ANO7: variants seen among roughly 807,000 people sequenced by gnomAD.
ANO7 encodes anoctamin 7, also known as anoctamin-7.
A neutral mutation model predicts 115.8 loss-of-function variants in ANO7; 114 were observed. The ratio of observed to expected loss-of-function variants is 0.98; its 90% CI spans 0.85 to 1.15. The LOEUF is 1.15. ANO7 is among the 50% of genes most tolerant of loss of function. ANO7 has a pLI of 0.00. For synonymous variants in ANO7, 550 were observed against 498.2 expected (o/e 1.10, Z -1.38); for missense variants, 1,302 against 1,201.2 (o/e 1.08, Z -1.24).
intron 4 of ANO7, 78 bp from the exon 5 acceptor site, chr2:241,199,238 G>T: frequency 8.0e-7 from 1 of 1,250,414 alleles, no homozygotes. Context: ...CTTTTCCTAA[G>T]AGTGCGAATG....
the ANO7 span, among the ~76,000 whole-genome samples, chr2:241,233,055 GAGGGGCTCTGCTGCC>G: frequency 8.9e-4 from 136 of 152,254 alleles, no homozygotes; most frequent in Non-Finnish European, 1.2e-3. The surrounding 1 kb of genome is among the most constrained non-coding windows in gnomAD (Gnocchi z 4.3). Flanking sequence ...GAGGGGCGTG[GAGGGGCTCTGCTGCC>G]AGGGGGTTTG....
At chr2:241,212,261 G>A in intron 16 of ANO7, 56 bp downstream of exon 16, 1 of 1,483,078 alleles carries the variant, frequency 6.7e-7, no homozygotes, top group Admixed American at 1.7e-5. Flanking sequence ...TTCTGCTCAT[G>A]TTTCCCGCTG....
At chr2:241,230,792 G>C, downstream of ANO7, 1 of 1,614,220 alleles carries the variant, frequency 6.2e-7, no homozygotes, top group Non-Finnish European at 8.5e-7. This position sits in a 1 kb window ranked among gnomAD's most constrained non-coding sequence, Gnocchi z 5.0. Context: ...GAATGGCTTT[G>C]CCGCGGGCAC....
Position 241,200,038 on chromosome 2 carries a change from G to A in ANO7, c.418-51G>A, listed in dbSNP as rs757281385. ...TGCACAACCTCCACTCCCACCTGGGGCATTTGCCCTCCTCCCGGGAGTGGG... is the reference window on the plus strand; with the variant it reads ...TGCACAACCTCCACTCCCACCTGGGACATTTGCCCTCCTCCCGGGAGTGGG... On this transcript the variant is annotated intron_variant, in intron 5 of 24. Transcript: ENST00000674324. 3.8e-6 allele frequency: 6 copies of A among 1,597,982 alleles called. No individual in the cohort carries two copies. In the South Asian group the frequency reaches 4.4e-5, roughly 12 times the overall value.
intron 1 of ANO7, 141 bp from the exon 2 acceptor site, chr2:241,189,916 T>G: frequency 6.6e-6 from 4 of 606,950 alleles, no homozygotes; most frequent in East Asian, 3.1e-5. Flanking sequence ...GCCAGGAGAG[T>G]CTGCCGAGCC....
intron 11 of ANO7, 123 bp from the exon 12 acceptor site, chr2:241,209,162 A>T (rs1186190887): frequency 1.6e-6 from 2 of 1,242,972 alleles, no homozygotes; most frequent in African/African-American, 3.0e-5. Context: ...CAAACAAACA[A>T]AAAATACACA....
chr2:241,230,945 C>T, downstream of ANO7: 1 of 1,611,276 alleles, frequency 6.2e-7, no homozygotes, highest in East Asian at 2.2e-5. This position sits in a 1 kb window ranked among gnomAD's most constrained non-coding sequence, Gnocchi z 5.0. Flanking sequence ...GGTCCTGGGG[C>T]TAAAAAAGGA....
intron 21 of ANO7, among the ~76,000 whole-genome samples, chr2:241,219,544 CAT>C (rs1258749876): frequency 6.6e-6 from 1 of 151,676 alleles, no homozygotes; most frequent in East Asian, 1.9e-4. Context: ...AGGGGTTACT[CAT>C]ATGTTTAGCA....
intron 3 of ANO7, 142 bp downstream of exon 3, chr2:241,191,393 G>A (rs2068199938): frequency 3.0e-6 from 3 of 994,450 alleles, no homozygotes; most frequent in African/African-American, 1.6e-5. Context: ...GGGGCACTGG[G>A]GTGAGGGCCT....
chr2:241,237,258 A>G, the ANO7 span, among the ~76,000 whole-genome samples: 1 of 152,186 alleles, frequency 6.6e-6, no homozygotes, highest in Non-Finnish European at 1.5e-5. Context: ...CAGAAAGGGC[A>G]AGGCCAAGGT....
intron 4 of ANO7, among the ~76,000 whole-genome samples, chr2:241,197,218 G>A (rs1437321581): frequency 1.3e-5 from 2 of 152,104 alleles, no homozygotes; most frequent in Admixed American, 6.6e-5. Flanking sequence ...TTTTGCCTCA[G>A]TTTCTCGAGT....
At chr2:241,227,077 C>T (rs1174480101), downstream of ANO7, among the ~76,000 whole-genome samples, 3 of 152,152 alleles carry the variant, frequency 2.0e-5, no homozygotes, top group African/African-American at 7.2e-5. Context: ...TGTCTGGCAG[C>T]CAGAGGACAG....
Position 241,191,204 on chromosome 2 carries a change from A to C in ANO7, c.119A>C (p.Gln40Pro), listed in dbSNP as rs763477706. 2.7e-5 allele frequency: 43 copies of C among 1,613,792 alleles called. No homozygotes were observed. In the Middle Eastern group the frequency reaches 4.9e-4, roughly 19 times the overall value. Residue 40 changes from glutamine (Q) to proline (P), a missense_variant, in exon 3 of 25, where the codon CAG becomes CCG. By Grantham distance (76) the Gln-to-Pro change is moderately conservative (BLOSUM62 -1). Transcript: ENST00000674324. ...CTCCATGCCTTCCAGCCAGGTGGAC[A>C]GCAAGCGGCCGCCTGCAGAGCTGGG... ...STAHASEPGG[Q>P]QAAACRAGSP...
chr2:241,240,242 G>C, the ANO7 span: 4 of 946,160 alleles, frequency 4.2e-6, no homozygotes, highest in Non-Finnish European at 6.8e-6. This position sits in a 1 kb window ranked among gnomAD's most constrained non-coding sequence, Gnocchi z 5.5. Context: ...CCAGTGTCCT[G>C]ATGTTGCACC....
chr2:241,225,583 A>G lies in ANO7; in HGVS notation c.*1430A>G, dbSNP rs530437164. On this transcript the variant is annotated 3_prime_UTR_variant, in exon 25 of 25. Transcript: ENST00000674324. The stretch of plus-strand genomic sequence containing the variant: ...TTAATGTGCTTTGATGAGTACTGCC[A>G]AACTTACTCCACAGAAAAGGCCTCT... Among the ~76,000 whole-genome samples, 2 of 152,336 alleles carry G rather than the reference A, an allele frequency of 1.3e-5. No homozygotes were observed. Among genetic ancestry groups the G allele is most frequent in the East Asian group, 3.9e-4 (2 of 5,186 alleles).
At chr2:241,217,303 G>A (rs1321819734) in intron 19 of ANO7, among the ~76,000 whole-genome samples, 1 of 152,210 alleles carries the variant, frequency 6.6e-6, no homozygotes, top group African/African-American at 2.4e-5. Flanking sequence ...AGTAATTCTC[G>A]GCGAAGACCC....
Position 241,225,618 on chromosome 2 carries a change from T to A in ANO7, c.*1465T>A, listed in dbSNP as rs2069143712. Reference sequence around the variant, plus strand: ...CACAGAAAAGGCCTCTTTCTGAACATCCTCGCCTGCGTTCTATTTCACCCA... The same window carrying A: ...CACAGAAAAGGCCTCTTTCTGAACAACCTCGCCTGCGTTCTATTTCACCCA... On this transcript the variant is annotated 3_prime_UTR_variant, in exon 25 of 25. Transcript: ENST00000674324. Among the ~76,000 whole-genome samples, 2 of 152,200 alleles carry A rather than the reference T, an allele frequency of 1.3e-5. No individual in the cohort carries two copies. Among genetic ancestry groups the A allele is most frequent in the African/African-American group, 4.8e-5 (2 of 41,446 alleles).
At position 241,203,325 on chromosome 2, in the gene ANO7, G is replaced by T; in HGVS notation, c.724-8G>T. The T allele has an allele frequency of 6.6e-7, 1 of 1,514,258 alleles. No individual in the cohort carries two copies. The highest frequency in any genetic ancestry group is 8.8e-7 in the Non-Finnish European group (1 of 1,132,240). The allele number at this position is 1,514,258 out of a possible 1,614,324, so 93.8% of individuals were successfully genotyped here. A position where few individuals can be genotyped will look rare whatever the true frequency, so the allele number is the denominator to read the frequency against. On this transcript the variant is annotated splice_region_variant and splice_polypyrimidine_tract_variant and intron_variant, in intron 8 of 24. Coordinates refer to ENST00000674324, the MANE Select transcript of ANO7 (RefSeq NM_001370694.2). The surrounding 1 kb of genome is among the most constrained non-coding windows in gnomAD (Gnocchi z 4.8). Reference sequence around the variant, plus strand: ...GGAGCCTCCCACCCACAGGCCGCTCGCCCCCAGGGCCCCTTCAAGACGCCC... The same window carrying T: ...GGAGCCTCCCACCCACAGGCCGCTCTCCCCCAGGGCCCCTTCAAGACGCCC...
chr2:241,219,196 A>G (rs2068949238), intron 21 of ANO7, among the ~76,000 whole-genome samples: 1 of 152,192 alleles, frequency 6.6e-6, no homozygotes, highest in South Asian at 2.1e-4. Context: ...GTTACAATGA[A>G]GTTTTGCATG....
Sources: allele counts gnomAD v4.1 joint callset (sites outside exome capture counted in the v4.1 genomes callset), GRCh38; gene constraint gnomAD v4.1.1; non-coding constraint Gnocchi (gnomAD v3.1); transcripts MANE v1.5; gene names NCBI Gene and HGNC (gene_info 2026-07-23, HGNC 2026-07-21).